Variants in SRGAP3 observed in about 807,000 individuals in gnomAD.
SRGAP3 encodes SLIT-ROBO Rho GTPase activating protein 3, also known as SLIT-ROBO Rho GTPase-activating protein 3.
SRGAP3 carries 39 observed loss-of-function variants against 121.1 expected under a neutral mutation model. The ratio of observed to expected loss-of-function variants is 0.32; its 90% CI spans 0.25 to 0.42. SRGAP3 has a LOEUF of 0.42. Among genes scored for constraint, SRGAP3 ranks in the 10% least tolerant of loss-of-function variants. SRGAP3 has a pLI of 1.00. For missense variants in SRGAP3, 1,213 were observed against 1,470.6 expected, an observed-to-expected ratio of 0.82 and a Z score of 2.86; for synonymous variants, 601 against 570.0, an observed-to-expected ratio of 1.05 and a Z score of -0.77.
intron 3 of SRGAP3, among the ~76,000 whole-genome samples, chr3:9,297,236 A>C (rs1954967443): frequency 6.6e-6 from 1 of 152,160 alleles, no homozygotes; most frequent in Non-Finnish European, 1.5e-5. Flanking sequence ...GGTTAGAAAG[A>C]GCTATGTCCT....
At chr3:9,063,034 C>A (rs1331432850) in intron 5 of SRGAP3, among the ~76,000 whole-genome samples, 1 of 151,752 alleles carries the variant, frequency 6.6e-6, no homozygotes, top group African/African-American at 2.4e-5. Flanking sequence ...CTATAGTCTG[C>A]CTTTTTAATT....
intron 12 of SRGAP3, among the ~76,000 whole-genome samples, chr3:9,030,670 T>C (rs961494038): frequency 1.1e-5 from 1 of 91,320 alleles, no homozygotes; most frequent in Non-Finnish European, 2.6e-5. Flanking sequence ...ATCTTATATA[T>C]AGGACCCCTC....
chr3:9,045,191 T>TAA (rs566506713), intron 10 of SRGAP3, among the ~76,000 whole-genome samples: 61 of 138,984 alleles, frequency 4.4e-4, no homozygotes, highest in Middle Eastern at 3.8e-3. Flanking sequence ...AAGTTTACTT[T>TAA]AAAAAAAAAA....
intron 10 of SRGAP3, among the ~76,000 whole-genome samples, chr3:9,044,448 G>C (rs1945162038): frequency 6.6e-6 from 1 of 152,238 alleles, no homozygotes; most frequent in South Asian, 2.1e-4. Context: ...GCTCAGCAAA[G>C]AAATTTGCTC....
chr3:9,354,703 A>G (rs909248062), intron 1 of SRGAP3, among the ~76,000 whole-genome samples: 2 of 149,142 alleles, frequency 1.3e-5, no homozygotes, highest in African/African-American at 5.0e-5. Flanking sequence ...AAAAAAAAAG[A>G]ATAGGCAAGG....
intron 3 of SRGAP3, among the ~76,000 whole-genome samples, chr3:9,268,296 GTCTCTCTCTC>G (rs71626912): frequency 2.7e-5 from 4 of 147,572 alleles, no homozygotes; most frequent in African/African-American, 5.0e-5. Context: ...AGAGAGAAGA[GTCTCTCTCTC>G]TCTCTCTCTC....
chr3:9,346,602 T>G (rs1444950335), intron 1 of SRGAP3, among the ~76,000 whole-genome samples: 1 of 152,144 alleles, frequency 6.6e-6, no homozygotes, highest in Non-Finnish European at 1.5e-5. Flanking sequence ...ATGGTCTAGA[T>G]GCCTCCAAAT....
chr3:9,177,841 G>A (rs1490553858), intron 1 of SRGAP3, among the ~76,000 whole-genome samples: 1 of 152,166 alleles, frequency 6.6e-6, no homozygotes, highest in Admixed American at 6.5e-5. Context: ...AAGAGAAGAA[G>A]GGCATCTCCT....
At chr3:9,064,821 G>A (rs1027169636) in intron 4 of SRGAP3, among the ~76,000 whole-genome samples, 12 of 151,582 alleles carry the variant, frequency 7.9e-5, no homozygotes, top group Non-Finnish European at 1.8e-4. Context: ...CCCTAACTAA[G>A]AGCCAGGCAT....
chr3:9,357,837 T>C (rs1346093830), intron 1 of SRGAP3, among the ~76,000 whole-genome samples: 1 of 152,128 alleles, frequency 6.6e-6, no homozygotes, highest in Non-Finnish European at 1.5e-5. Context: ...TTTTCCTTTA[T>C]AAAAGTTCAC....
chr3:9,050,104 G>A (rs1254313360), intron 9 of SRGAP3, among the ~76,000 whole-genome samples: 2 of 152,210 alleles, frequency 1.3e-5, no homozygotes, highest in Non-Finnish European at 2.9e-5. Context: ...TTCCCAAAGT[G>A]TTGGGATTAC....
At chr3:9,308,527 C>G (rs1955194192) in intron 3 of SRGAP3, among the ~76,000 whole-genome samples, 1 of 152,132 alleles carries the variant, frequency 6.6e-6, no homozygotes, top group Non-Finnish European at 1.5e-5. Context: ...CACTGAGGGC[C>G]CATGTGATTC....
intron 3 of SRGAP3, among the ~76,000 whole-genome samples, chr3:9,294,704 G>GTGTGTGTGTGTC (rs1954923401): frequency 6.7e-6 from 1 of 148,918 alleles, no homozygotes; most frequent in African/African-American, 2.5e-5. Context: ...TCGTGTGTGT[G>GTGTGTGTGTGTC]TGTGTGTGTG....
chr3:9,213,139 T>C (rs757682595), intron 1 of SRGAP3, among the ~76,000 whole-genome samples: 5 of 152,232 alleles, frequency 3.3e-5, no homozygotes, highest in Admixed American at 6.5e-5. Flanking sequence ...GGATCACGGC[T>C]GCTCCTGTGC....
At chr3:9,111,566 C>T (rs146980931) in intron 2 of SRGAP3, among the ~76,000 whole-genome samples, 59 of 152,294 alleles carry the variant, frequency 3.9e-4, no homozygotes, top group African/African-American at 1.4e-3. Flanking sequence ...CTCCATCCTG[C>T]CCCCATCTGG....
chr3:9,260,009 G>A (rs944533893), intron 3 of SRGAP3, among the ~76,000 whole-genome samples: 1 of 152,086 alleles, frequency 6.6e-6, no homozygotes, highest in Admixed American at 6.5e-5. Flanking sequence ...GCAAGCAGAA[G>A]CAGGGTGGGG....
chr3:9,046,349 G>A (rs1945277860), intron 10 of SRGAP3, among the ~76,000 whole-genome samples: 1 of 147,294 alleles, frequency 6.8e-6, no homozygotes, highest in Non-Finnish European at 1.5e-5. Context: ...TCTACCCCCT[G>A]ATTTGGGTGG....
chr3:9,288,764 A>G (rs1195419722), intron 3 of SRGAP3, among the ~76,000 whole-genome samples: 1 of 151,552 alleles, frequency 6.6e-6, no homozygotes, highest in Non-Finnish European at 1.5e-5. Context: ...TTGTAGAGAC[A>G]GGGGTTCCAC....
chr3:9,035,035 A>C (rs1944680162), intron 11 of SRGAP3: 1 of 152,196 alleles, frequency 6.6e-6, no homozygotes, highest in African/African-American at 2.4e-5. Flanking sequence ...CCCACAAAAG[A>C]TGAAGAAACT....
Sources: allele counts gnomAD v4.1 joint callset (sites outside exome capture counted in the v4.1 genomes callset), GRCh38; gene constraint gnomAD v4.1.1; transcripts MANE v1.5; gene names NCBI Gene and HGNC (gene_info 2026-07-23, HGNC 2026-07-21).